Variants in RPS6KA2 observed in about 807,000 individuals in gnomAD.
RPS6KA2 encodes the protein ribosomal protein S6 kinase alpha-2.
Under a neutral mutation model 91.8 loss-of-function variants are expected in RPS6KA2, and 42 were observed. The ratio of observed to expected loss-of-function variants is 0.46; its 90% CI spans 0.36 to 0.59. The LOEUF is 0.59. RPS6KA2 is among the 20% of genes least tolerant of loss of function. The probability of loss-of-function intolerance (pLI) is 0.00; values close to 1 mark genes in which losing one functional copy is unlikely to be tolerated. For synonymous variants in RPS6KA2, 414 were observed against 393.6 expected, an observed-to-expected ratio of 1.05 and a Z score of -0.61; for missense variants, 798 against 978.5, an observed-to-expected ratio of 0.82 and a Z score of 2.46.
chr6:166,846,938 T>C (rs1299690205), intron 2 of RPS6KA2, among the ~76,000 whole-genome samples: 1 of 152,022 alleles, frequency 6.6e-6, no homozygotes, highest in Non-Finnish European at 1.5e-5. Flanking sequence ...TTGCTGATAA[T>C]ATAATCGTAT....
At chr6:166,692,426 C>T (rs1323919656) in intron 2 of RPS6KA2, among the ~76,000 whole-genome samples, 1 of 152,086 alleles carries the variant, frequency 6.6e-6, no homozygotes, top group African/African-American at 2.4e-5. Context: ...CGATGGAAAC[C>T]CAGCCATGGC....
intron 14 of RPS6KA2, chr6:166,439,773 G>A (rs933571520): frequency 6.6e-6 from 1 of 152,296 alleles, no homozygotes; most frequent in African/African-American, 2.4e-5. Context: ...AGCAGGGACA[G>A]AACTTAGGAA....
At chr6:166,420,113 C>A (rs1267420511) in intron 17 of RPS6KA2, among the ~76,000 whole-genome samples, 155 bp from the exon 18 acceptor site, 1 of 152,212 alleles carries the variant, frequency 6.6e-6, no homozygotes, top group Non-Finnish European at 1.5e-5. Context: ...AAGGCAAAGC[C>A]AACCCTAAGG....
chr6:166,739,443 A>C (rs1161146147), intron 2 of RPS6KA2, among the ~76,000 whole-genome samples: 6 of 152,184 alleles, frequency 3.9e-5, no homozygotes, highest in African/African-American at 2.4e-5. Flanking sequence ...GCCTCCCACT[A>C]AGGGAATTCC....
intron 2 of RPS6KA2, among the ~76,000 whole-genome samples, chr6:166,755,551 A>C (rs908939033): frequency 2.0e-5 from 3 of 152,026 alleles, no homozygotes; most frequent in African/African-American, 7.2e-5. Flanking sequence ...TTGAGAATCC[A>C]GCAATCTCAG....
At chr6:166,779,199 T>C (rs1207811616) in intron 2 of RPS6KA2, among the ~76,000 whole-genome samples, 1 of 152,214 alleles carries the variant, frequency 6.6e-6, no homozygotes, top group African/African-American at 2.4e-5. Context: ...TGATGTTCTC[T>C]ACGGCCCTCA....
chr6:166,513,408 T>C (rs1782537116), intron 3 of RPS6KA2, among the ~76,000 whole-genome samples: 1 of 152,236 alleles, frequency 6.6e-6, no homozygotes, highest in South Asian at 2.1e-4. Flanking sequence ...GAGGTCCTTC[T>C]TCTGCCTCAA....
At chr6:166,492,496 T>C (rs9348141) in intron 8 of RPS6KA2, among the ~76,000 whole-genome samples, 26,106 of 152,130 alleles carry the variant, frequency 0.17, 2,827 homozygotes, top group African/African-American at 0.31. Context: ...TCCTTTCCTA[T>C]TCTGCTCTTT....
Position 166,853,513 on chromosome 6 carries a change from TCTC to T in RPS6KA2, c.123+4684_123+4686del, listed in dbSNP as rs556574200. Among the ~76,000 whole-genome samples the T allele has an allele frequency of 7.9e-3, 1,199 of 152,246 alleles. 7 individuals carry two copies. Among genetic ancestry groups the T allele is most frequent in the Non-Finnish European group, 0.011 (723 of 68,012 alleles). On this transcript the variant is annotated intron_variant, in intron 2 of 21. Coordinates refer to the RPS6KA2 transcript ENST00000503859. ...CTGGCCCAAAGCCATTGAAGCTGGC[TCTC>T]CTCCTCCATCAGGACAGCCTCAGCC...
At chr6:166,487,369 G>A (rs752970793) in intron 10 of RPS6KA2, among the ~76,000 whole-genome samples, 1 of 152,080 alleles carries the variant, frequency 6.6e-6, no homozygotes, top group Admixed American at 6.5e-5. Flanking sequence ...CCAGTGCCAC[G>A]GGAGCTCACT....
intron 2 of RPS6KA2, among the ~76,000 whole-genome samples, chr6:166,672,918 T>A (rs1322121529): frequency 6.6e-6 from 1 of 152,190 alleles, no homozygotes; most frequent in Non-Finnish European, 1.5e-5. Flanking sequence ...TCCGCACTCT[T>A]CCGCGTCCCT....
intron 1 of RPS6KA2, among the ~76,000 whole-genome samples, chr6:166,565,370 C>T (rs1784463912): frequency 1.3e-5 from 2 of 152,252 alleles, no homozygotes; most frequent in Admixed American, 1.3e-4. Context: ...CTCCAGCTTC[C>T]CTCGGGACTG....
At position 166,554,615 on chromosome 6, in the gene RPS6KA2, G is replaced by T. The variant is rs545364496; in HGVS notation, c.100-15831C>A. Among the ~76,000 whole-genome samples the T allele has an allele frequency of 1.3e-5, 2 of 152,354 alleles. No individual in the cohort carries two copies. Among genetic ancestry groups the T allele is most frequent in the African/African-American group, 2.4e-5 (1 of 41,588 alleles). On this transcript the variant is annotated intron_variant, in intron 1 of 20. Transcript: ENST00000265678. The surrounding 1 kb of genome is among the most constrained non-coding windows in gnomAD (Gnocchi z 4.3). ...CGCGGCTGGCACGCGGGTGGCCATG[G>T]GGGGGTGGGGGTCCCACTCCAGCAC... is the stretch of plus-strand genomic sequence containing the variant.
chr6:166,628,432 T>G (rs766507528), upstream of RPS6KA2, among the ~76,000 whole-genome samples: 7 of 152,248 alleles, frequency 4.6e-5, no homozygotes, highest in Non-Finnish European at 8.8e-5. Context: ...TCTTTTGCAG[T>G]GCGAACTGCA....
At chr6:166,800,623 G>A (rs369599142) in intron 2 of RPS6KA2, among the ~76,000 whole-genome samples, 11 of 152,150 alleles carry the variant, frequency 7.2e-5, no homozygotes, top group African/African-American at 1.9e-4. Flanking sequence ...ACCAGACACC[G>A]AACCTACAGT....
intron 2 of RPS6KA2, among the ~76,000 whole-genome samples, chr6:166,647,660 G>A (rs1787651055): frequency 6.6e-6 from 1 of 152,082 alleles, no homozygotes; most frequent in African/African-American, 2.4e-5. Flanking sequence ...TTGAAAAATA[G>A]CCCCACCATT....
chr6:166,715,089 C>T (rs868508736), intron 2 of RPS6KA2, among the ~76,000 whole-genome samples: 15 of 152,224 alleles, frequency 9.9e-5, no homozygotes, highest in South Asian at 2.1e-4. Context: ...GCCTTGCAGA[C>T]GTGAGAAAGG....
At chr6:166,803,984 T>C (rs902329977) in intron 2 of RPS6KA2, among the ~76,000 whole-genome samples, 2 of 152,176 alleles carry the variant, frequency 1.3e-5, no homozygotes, top group Non-Finnish European at 2.9e-5. Context: ...CTAATAATAT[T>C]GCAAAAATAC....
chr6:166,483,625 C>T (rs1213203308), intron 10 of RPS6KA2, among the ~76,000 whole-genome samples: 1 of 152,224 alleles, frequency 6.6e-6, no homozygotes, highest in Non-Finnish European at 1.5e-5. Flanking sequence ...TAAATCGCAT[C>T]CTCACTAAAT....
Sources: gnomAD v4.1 joint callset for allele counts (sites outside exome capture counted in the v4.1 genomes callset) on GRCh38, gnomAD v4.1.1 for gene constraint, Gnocchi (gnomAD v3.1) non-coding constraint, MANE v1.5 for transcripts, NCBI Gene and HGNC (gene_info 2026-07-23, HGNC 2026-07-21) for gene names.